Variants in SFI1 observed in about 807,000 individuals in gnomAD.
SFI1 encodes SFI1 centrin binding protein.
Under a neutral mutation model 207.5 loss-of-function variants are expected in SFI1, and 195 were observed. The ratio of observed to expected loss-of-function variants is 0.94; its 90% confidence interval spans 0.84 to 1.06. SFI1 has a LOEUF of 1.06. SFI1 is among the 50% of genes least tolerant of loss of function. The pLI, the probability that SFI1 is intolerant of heterozygous loss-of-function variation, is 0.00. For synonymous variants in SFI1, 630 were observed against 598.9 expected (o/e 1.05, Z -0.76); for missense variants, 1,634 against 1,588.0 (o/e 1.03, Z -0.49).
At chr22:31,499,173 A>AT (rs1165689151) in intron 1 of SFI1, among the ~76,000 whole-genome samples, 10 of 148,486 alleles carry the variant, frequency 6.7e-5, no homozygotes, top group Non-Finnish European at 9.0e-5. Context: ...TGCCTCGCTA[A>AT]TTTTTTTTTT....
chr22:31,565,283 T>G (rs1338630392), intron 8 of SFI1, among the ~76,000 whole-genome samples: 1 of 152,080 alleles, frequency 6.6e-6, no homozygotes, highest in African/African-American at 2.4e-5. Context: ...TGCACATATC[T>G]GTAAAGAATA....
chr22:31,526,867 A>G (rs1170576393), intron 2 of SFI1, among the ~76,000 whole-genome samples: 1 of 151,392 alleles, frequency 6.6e-6, no homozygotes, highest in African/African-American at 2.4e-5. Flanking sequence ...CTGGCCATCA[A>G]TACCTACGTT....
At chr22:31,560,685 G>C (rs538382053) in intron 7 of SFI1, among the ~76,000 whole-genome samples, 2 of 144,396 alleles carry the variant, frequency 1.4e-5, no homozygotes, top group Non-Finnish European at 3.0e-5. Context: ...TTACAGGCGT[G>C]AGCCACCACG....
rs2068235766 is a variant in SFI1 at position 31,602,232 on chromosome 22, T to C, written c.1565T>C (p.Val522Ala). ...TTTAGGGAGACATTAGAGAAGCAAGTATTTTCTCTCTGGAGGCAGAAGATG... is the reference window on the plus strand; with the variant it reads ...TTTAGGGAGACATTAGAGAAGCAAGCATTTTCTCTCTGGAGGCAGAAGATG... ...RFHRETLEKQ[V>A]FSLWRQKMFQ... The change falls in exon 16 of 33, where the codon GTA becomes GCA. Residue 522 changes from valine (V) to alanine (A), a missense_variant. Val to Ala is a moderately conservative substitution (Grantham distance 64). Coordinates refer to ENST00000400288, the MANE Select transcript of SFI1 (RefSeq NM_001007467.3). 6.2e-7 allele frequency: 1 copy of C among 1,614,154 alleles called. No homozygotes were observed. Among genetic ancestry groups the C allele is most frequent in the Non-Finnish European group, 8.5e-7 (1 of 1,179,976 alleles).
At chr22:31,558,841 G>A (rs539126005) in intron 7 of SFI1, among the ~76,000 whole-genome samples, 2 of 152,084 alleles carry the variant, frequency 1.3e-5, no homozygotes, top group South Asian at 4.2e-4. Flanking sequence ...ATTTGAGACA[G>A]AGTCTCACTG....
rs568585640 is a variant in SFI1, at chr22:31,541,112, C to A, written c.339-5749C>A. 2.8e-3 allele frequency among the ~76,000 whole-genome samples: 419 copies of A among 152,260 alleles called. 1 individual carries two copies. Among genetic ancestry groups the A allele is most frequent in the Middle Eastern group, 0.014 (4 of 294 alleles). ...TCTGACACATAGGCTTGCAAACAGT[C>A]CTGTGTTTTCATCTCAGTCCACAGC... On this transcript the variant is annotated intron_variant, in intron 4 of 32. Coordinates refer to ENST00000400288, the MANE Select transcript of SFI1 (RefSeq NM_001007467.3).
chr22:31,556,182 G>A (rs2061139779), intron 6 of SFI1, among the ~76,000 whole-genome samples: 1 of 150,614 alleles, frequency 6.6e-6, no homozygotes, highest in Non-Finnish European at 1.5e-5. Context: ...TTTGTATTAT[G>A]GAAAACTTTA....
At chr22:31,528,961 A>AGT in intron 3 of SFI1, 98 bp downstream of exon 3, 12 of 1,221,276 alleles carry the variant, frequency 9.8e-6, no homozygotes, top group Non-Finnish European at 1.2e-5. Flanking sequence ...CACCGCAATT[A>AGT]GTGGGAGATC....
At chr22:31,532,382 G>A (rs1051306442) in intron 4 of SFI1, among the ~76,000 whole-genome samples, 5 of 152,216 alleles carry the variant, frequency 3.3e-5, no homozygotes, top group Admixed American at 3.3e-4. Flanking sequence ...GCAAGAGAGA[G>A]TCACAGGAGT....
chr22:31,573,022 C>G, intron 8 of SFI1, 36 bp from the exon 9 acceptor site: 2 of 1,602,814 alleles, frequency 1.2e-6, no homozygotes, highest in Non-Finnish European at 1.7e-6. Context: ...GTTTTCCTGC[C>G]TCTCCTTTGA....
At chr22:31,540,185 C>T (rs969855656) in intron 4 of SFI1, among the ~76,000 whole-genome samples, 11 of 2,210 alleles carry the variant, frequency 5.0e-3, no homozygotes, top group South Asian at 0.017. Flanking sequence ...CCTTCTGGCA[C>T]GGGGTGGGGG....
chr22:31,611,302 G>A lies in SFI1; in HGVS notation c.2414G>A (p.Arg805Lys). 6.3e-7 allele frequency: 1 copy of A among 1,592,732 alleles called. No individual in the cohort carries two copies. Among genetic ancestry groups the A allele is most frequent in the Non-Finnish European group, 8.6e-7 (1 of 1,166,608 alleles). The change falls in exon 23 of 33, where the codon AGG becomes AAG. Residue 805 changes from arginine to lysine, a missense_variant and splice_region_variant. Coordinates refer to ENST00000400288, the MANE Select transcript of SFI1 (RefSeq NM_001007467.3). ...KTHHLQCVRK[R>K]LLHRQSTQLL... ...CACCATCTGCAGTGTGTCAGGAAGA[G>A]GGTGAGGCTGACGGTGGCAACTCTC...
At chr22:31,615,595 T>C (rs1016729518) in intron 29 of SFI1, 2 of 291,938 alleles carry the variant, frequency 6.9e-6, no homozygotes, top group African/African-American at 4.3e-5. Flanking sequence ...TAGCCTGGGA[T>C]TTGAGAAGAG....
At chr22:31,544,458 A>C (rs1173871163) in intron 4 of SFI1, among the ~76,000 whole-genome samples, 1 of 152,170 alleles carries the variant, frequency 6.6e-6, no homozygotes, top group Non-Finnish European at 1.5e-5. Flanking sequence ...AATGAAAAAA[A>C]TTAAAAATAA....
At chr22:31,598,001 G>A (rs888681313) in intron 15 of SFI1, among the ~76,000 whole-genome samples, 8 of 149,358 alleles carry the variant, frequency 5.4e-5, no homozygotes, top group East Asian at 2.0e-4. Context: ...TTTTTGAGAC[G>A]GAGTCTCGCT....
At chr22:31,547,002 T>A in intron 5 of SFI1, 31 bp downstream of exon 5, 2 of 1,389,032 alleles carry the variant, frequency 1.4e-6, no homozygotes, top group Non-Finnish European at 2.0e-6. Context: ...CCTTCAGTTT[T>A]ACTGATGCAC....
Position 31,511,532 on chromosome 22 carries a change from A to C in SFI1, c.92+3156A>C, listed in dbSNP as rs1458289893. On this transcript the variant is annotated intron_variant, in intron 2 of 32. Coordinates refer to ENST00000400288, the MANE Select transcript of SFI1 (RefSeq NM_001007467.3). ...CGCTCAGGTTGGAGTGCATGGCGCG[A>C]TCTCCGCTCACTGCAACCTCTGCCT... 3.7e-5 allele frequency among the ~76,000 whole-genome samples: 5 copies of C among 136,716 alleles called. No individual in the cohort carries two copies. In the Admixed American group the frequency reaches 4.3e-4, roughly 12 times the overall value. The allele number at this position is 136,716 out of a possible 152,430, so 89.7% of individuals were successfully genotyped here.
intron 1 of SFI1, among the ~76,000 whole-genome samples, chr22:31,501,535 G>A (rs1282754284): frequency 1.3e-5 from 2 of 152,118 alleles, no homozygotes; most frequent in Non-Finnish European, 2.9e-5. Context: ...TATGTGGTCT[G>A]CAGCTGAACT....
intron 5 of SFI1, among the ~76,000 whole-genome samples, chr22:31,547,384 C>T (rs970118122): frequency 2.6e-5 from 4 of 152,206 alleles, no homozygotes; most frequent in African/African-American, 7.2e-5. Context: ...GATCTTGGCT[C>T]ACTGCAACTT....
Sources: gnomAD v4.1 joint callset for allele counts (sites outside exome capture counted in the v4.1 genomes callset) on GRCh38, gnomAD v4.1.1 for gene constraint, MANE v1.5 for transcripts, NCBI Gene and HGNC (gene_info 2026-07-23, HGNC 2026-07-21) for gene names.